The following ZNF439 variants were observed in gnomAD, a reference collection of about 807,000 sequenced individuals.
The protein encoded by ZNF439 is zinc finger protein 439.
A neutral mutation model predicts 47.3 loss-of-function variants in ZNF439; 40 were observed. That is an observed-to-expected ratio of 0.85 (90% CI 0.66 to 1.10). The LOEUF (loss-of-function observed/expected upper bound fraction) is 1.10. Ranked by LOEUF, ZNF439 falls within the 50% of genes least tolerant of loss-of-function variation. ZNF439 has a pLI of 0.00. For synonymous variants in ZNF439, 171 were observed against 198.8 expected (o/e 0.86, Z 1.18); for missense variants, 556 against 601.1 (o/e 0.93, Z 0.78).
At chr19:11,849,427 G>A (rs1465215153) in intron 1 of ZNF439, 1 of 487,314 alleles carries the variant, frequency 2.1e-6, no homozygotes, top group East Asian at 1.5e-4. Flanking sequence ...ATACAGAAGT[G>A]TATTCAGAGC....
At chr19:11,852,684 A>G (rs1477666708) in intron 1 of ZNF439, among the ~76,000 whole-genome samples, 1 of 151,922 alleles carries the variant, frequency 6.6e-6, no homozygotes, top group African/African-American at 2.4e-5. Context: ...TAATTTTTGT[A>G]TTTTTAGTAA....
intron 1 of ZNF439, among the ~76,000 whole-genome samples, chr19:11,863,721 G>A (rs1329505052): frequency 6.6e-6 from 1 of 152,054 alleles, no homozygotes; most frequent in Non-Finnish European, 1.5e-5. Context: ...GGTTGTCTTG[G>A]TTTTCACAAG....
chr19:11,863,702 C>G (rs1216193854), intron 1 of ZNF439, among the ~76,000 whole-genome samples: 1 of 152,122 alleles, frequency 6.6e-6, no homozygotes, highest in African/African-American at 2.4e-5. Context: ...ACCTGATTGC[C>G]AAATCCAAGG....
chr19:11,862,480 TA>T (rs968838978), intron 1 of ZNF439, among the ~76,000 whole-genome samples: 6 of 152,098 alleles, frequency 3.9e-5, no homozygotes, highest in African/African-American at 9.7e-5. Context: ...GTAAGGCTGC[TA>T]AAAATGTTTG....
At chr19:11,848,986 G>GGACC in intron 1 of ZNF439, 56 bp downstream of exon 1, 1 of 1,475,790 alleles carries the variant, frequency 6.8e-7, no homozygotes, top group Non-Finnish European at 9.1e-7. Context: ...GGAACTGGCG[G>GGACC]GACCCGGGCC....
chr19:11,849,113 C>G (rs1229432850), intron 1 of ZNF439, 183 bp downstream of exon 1: 2 of 1,162,174 alleles, frequency 1.7e-6, no homozygotes, highest in African/African-American at 3.4e-5. Flanking sequence ...CGTCCTGTCC[C>G]GTCCCTGCCC....
intron 1 of ZNF439, among the ~76,000 whole-genome samples, chr19:11,862,040 G>T (rs749676186): frequency 6.6e-6 from 1 of 151,938 alleles, no homozygotes; most frequent in Non-Finnish European, 1.5e-5. Context: ...TGAAGGTCTC[G>T]CAATAACTTT....
In ZNF439 at chr19:11,858,327, A is replaced by T. The variant is rs369646729; in HGVS notation, c.64-7878A>T. ...CAAAAAAAAAAAAAATTAGCCAGGC[A>T]TGGTGGCAGGCACCTGTAGTCCCAG... On this transcript the variant is annotated intron_variant, in intron 1 of 3. Transcript: ENST00000682736. The T allele has an allele frequency of 1.3e-5, 2 of 151,776 alleles. 1 individual carries two copies. The highest frequency in any genetic ancestry group is 4.0e-4 in the East Asian group (2 of 5,054). The allele number at this position is 151,776 out of a possible 1,614,324, so 9.4% of individuals were successfully genotyped here. A position where few individuals can be genotyped will look rare whatever the true frequency, so the allele number is the denominator to read the frequency against.
At chr19:11,865,160 A>G (rs776794920) in intron 1 of ZNF439, among the ~76,000 whole-genome samples, 61 of 152,298 alleles carry the variant, frequency 4.0e-4, no homozygotes, top group Non-Finnish European at 7.6e-4. Flanking sequence ...TCAGCCATCA[A>G]TGGATATGTG....
chr19:11,852,137 G>A (rs1976262860), intron 1 of ZNF439, among the ~76,000 whole-genome samples: 1 of 152,178 alleles, frequency 6.6e-6, no homozygotes. Flanking sequence ...GATCAGTAGT[G>A]AAGAGGGGCC....
At position 11,866,576 on chromosome 19, in the gene ZNF439, A is replaced by G. The variant is rs368870501; in HGVS notation, c.230A>G (p.Gln77Arg). 2.5e-6 allele frequency: 4 copies of G among 1,613,422 alleles called. No individual in the cohort carries two copies. The African/African-American group carries it at 5.3e-5, about 22-fold the overall frequency. The change falls in exon 3 of 4, where the codon CAA (glutamine) becomes CGA (arginine). Residue 77 changes from glutamine to arginine, a missense_variant. Gln to Arg is a conservative substitution (Grantham distance 43). Transcript: ENST00000682736. ...WKDQNIEYEY[Q>R]NPRRNFRSVT... ...GACCAGAACATTGAATATGAGTACCAAAACCCCAGGAGAAACTTCAGGTAA... is the reference window on the plus strand; with the variant it reads ...GACCAGAACATTGAATATGAGTACCGAAACCCCAGGAGAAACTTCAGGTAA...
At chr19:11,857,065 G>A (rs1389509694) in intron 1 of ZNF439, 2 of 152,222 alleles carry the variant, frequency 1.3e-5, no homozygotes, top group Admixed American at 6.5e-5. Context: ...GCGTTGAGCT[G>A]AAAGTCCAGA....
At position 11,867,841 on chromosome 19, in the gene ZNF439, C is replaced by G; in HGVS notation, c.787C>G (p.Arg263Gly). ...GKSFSYSATH[R>G]IHERTHIGEK... The stretch of plus-strand genomic sequence containing the variant: ...ATCTTTTAGTTATTCTGCTACCCAT[C>G]GAATACATGAAAGAACTCACATTGG... Residue 263 changes from arginine (R) to glycine (G), a missense_variant, in exon 4 of 4, where the codon CGA (arginine) becomes GGA (glycine). By Grantham distance (125) the Arg-to-Gly change is moderately radical. Coordinates refer to ENST00000682736, the MANE Select transcript of ZNF439 (RefSeq NM_001348719.2). 1 of 1,613,690 alleles carries G rather than the reference C, an allele frequency of 6.2e-7. No individual in the cohort carries two copies. The highest frequency in any genetic ancestry group is 8.5e-7 in the Non-Finnish European group (1 of 1,179,880).
Position 11,868,413 on chromosome 19 carries a change from A to G in ZNF439, c.1359A>G (p.Arg453=). 2 of 1,613,544 alleles carry G rather than the reference A, an allele frequency of 1.2e-6. No homozygotes were observed. Among genetic ancestry groups the G allele is most frequent in the Non-Finnish European group, 1.7e-6 (2 of 1,179,886 alleles). Residue 453 remains arginine (R), a synonymous_variant, in exon 4 of 4, where the codon AGA becomes AGG. Coordinates refer to ENST00000682736, the MANE Select transcript of ZNF439 (RefSeq NM_001348719.2). ...GTAAGGAATGTGGGAAAGCTTTCAG[A>G]TCTGCCTCACAACTTCGAATCCATC... is the stretch of plus-strand genomic sequence containing the variant. ...YQCKECGKAF[R]SASQLRIHRR...
intron 1 of ZNF439, 82 bp from the exon 2 acceptor site, chr19:11,866,123 T>G: frequency 6.3e-7 from 1 of 1,592,890 alleles, no homozygotes; most frequent in Non-Finnish European, 8.5e-7. Context: ...CACGGCATCC[T>G]GAGAACTTCT....
In ZNF439 at chr19:11,867,473, C is replaced by T; in HGVS notation, c.419C>T (p.Ser140Phe). 1 of 1,614,038 alleles carries T rather than the reference C, an allele frequency of 6.2e-7. No individual in the cohort carries two copies. Among genetic ancestry groups the T allele is most frequent in the Non-Finnish European group, 8.5e-7 (1 of 1,180,014 alleles). ...GAAGTTGGCCTAGGTAACTCATCTT[C>T]TAATATGAACATCAGAGGTGACACT... is the stretch of plus-strand genomic sequence containing the variant. ...VCEVGLGNSSSNMNIRGDTGH... is the reference protein window; with the variant it reads ...VCEVGLGNSSFNMNIRGDTGH... Residue 140 changes from serine (S) to phenylalanine (F), a missense_variant, in exon 4 of 4, where the codon TCT (serine) becomes TTT (phenylalanine). Physicochemically the swap from Ser to Phe is radical, Grantham distance 155. Coordinates refer to ENST00000682736, the MANE Select transcript of ZNF439 (RefSeq NM_001348719.2).
chr19:11,856,241 G>C (rs1976382877), intron 1 of ZNF439: 1 of 152,136 alleles, frequency 6.6e-6, no homozygotes, highest in Non-Finnish European at 1.5e-5. Flanking sequence ...GGTGGTAGCT[G>C]GTCTCCTATA....
At chr19:11,851,776 G>A (rs749187151) in intron 1 of ZNF439, among the ~76,000 whole-genome samples, 27 of 151,870 alleles carry the variant, frequency 1.8e-4, no homozygotes, top group Non-Finnish European at 3.5e-4. Context: ...CGCCTCCCAA[G>A]TAGCTGAGAC....
At chr19:11,848,964 G>T in intron 1 of ZNF439, 34 bp downstream of exon 1, 1 of 1,526,072 alleles carries the variant, frequency 6.6e-7, no homozygotes, top group East Asian at 2.6e-5. Flanking sequence ...TGCGATGGGG[G>T]AGGGGCTGCC....
Sources: gnomAD v4.1 joint callset for allele counts (sites outside exome capture counted in the v4.1 genomes callset) on GRCh38, gnomAD v4.1.1 for gene constraint, MANE v1.5 for transcripts, NCBI Gene and HGNC (gene_info 2026-07-23, HGNC 2026-07-21) for gene names.